The following ELAPOR1 variants were observed in gnomAD, a reference collection of about 807,000 sequenced individuals.
The protein encoded by ELAPOR1 is endosome/lysosome-associated apoptosis and autophagy regulator 1.
In ELAPOR1, 77 loss-of-function variants were observed where a neutral mutation model predicts 119.7. The observed-to-expected ratio is 0.64, with a 90% CI of 0.54 to 0.78. The LOEUF (loss-of-function observed/expected upper bound fraction) is 0.78, where lower values mean the gene tolerates loss of function less well. Among genes scored for constraint, ELAPOR1 ranks in the 30% least tolerant of loss-of-function variants. The pLI is 0.00. For synonymous variants in ELAPOR1, 481 were observed against 487.2 expected, an observed-to-expected ratio of 0.99 and a Z score of 0.17; for missense variants, 1,115 against 1,270.4, an observed-to-expected ratio of 0.88 and a Z score of 1.86.
At chr1:109,132,761 G>A (rs938372972) in intron 1 of ELAPOR1, among the ~76,000 whole-genome samples, 3 of 152,188 alleles carry the variant, frequency 2.0e-5, no homozygotes, top group Non-Finnish European at 4.4e-5. Context: ...GAGACAGAAG[G>A]AAGGAGACCA....
chr1:109,199,222 G>T (rs1317275284), intron 18 of ELAPOR1, among the ~76,000 whole-genome samples: 1 of 152,148 alleles, frequency 6.6e-6, no homozygotes, highest in Non-Finnish European at 1.5e-5. Context: ...ATTTCTAAAT[G>T]AATATGACCA....
intron 8 of ELAPOR1, chr1:109,187,652 T>TCTCTGGTG (rs1422312221): frequency 9.0e-6 from 9 of 999,932 alleles, no homozygotes; most frequent in Non-Finnish European, 1.1e-5. Context: ...CCATGTTTCA[T>TCTCTGGTG]TCATCTCTGA....
chr1:109,206,504 A>G lies in ELAPOR1; in HGVS notation c.*3492A>G, dbSNP rs1654503416. The G allele has an allele frequency of 6.6e-6, 1 of 152,222 alleles. No individual in the cohort carries two copies. Among genetic ancestry groups the G allele is most frequent in the Admixed American group, 6.5e-5 (1 of 15,276 alleles). The allele number at this position is 152,222 out of a possible 1,614,324, so 9.4% of individuals were successfully genotyped here. Reference sequence around the variant, plus strand: ...TGTATTTGGCTGGGAATACAAATGAAGATTGTGGTGTATTCAAGCAGTAGG... The same window carrying G: ...TGTATTTGGCTGGGAATACAAATGAGGATTGTGGTGTATTCAAGCAGTAGG... On this transcript the variant is annotated 3_prime_UTR_variant, in exon 22 of 22. Coordinates refer to ENST00000369939, the MANE Select transcript of ELAPOR1 (RefSeq NM_020775.5).
chr1:109,197,827 G>A (rs535162904), intron 16 of ELAPOR1, 152 bp from the exon 17 acceptor site: 2 of 966,478 alleles, frequency 2.1e-6, no homozygotes, highest in South Asian at 3.2e-5. Flanking sequence ...TGCTCCCAGG[G>A]ACTCTGACAA....
intron 1 of ELAPOR1, among the ~76,000 whole-genome samples, chr1:109,139,533 A>G (rs1324923174): frequency 2.0e-5 from 3 of 152,126 alleles, no homozygotes; most frequent in Admixed American, 2.0e-4. Flanking sequence ...TAGTCACAAC[A>G]TCAAAGTATA....
chr1:109,187,523 C>T (rs182631304), intron 8 of ELAPOR1: 12 of 1,001,006 alleles, frequency 1.2e-5, no homozygotes, highest in Middle Eastern at 8.0e-4. Context: ...TATAAGGGCA[C>T]GTTTTTGTCT....
rs542135988 is a variant in ELAPOR1 at position 109,136,725 on chromosome 1, G to A, written c.153+22389G>A. ...AATACCCTGAAAATAACGAACTCCT[G>A]TGTCTCTAGATATTTAAACCTCTCA... On this transcript the variant is annotated intron_variant, in intron 1 of 21. Transcript: ENST00000369939. 3.3e-5 allele frequency among the ~76,000 whole-genome samples: 5 copies of A among 152,304 alleles called. No homozygotes were observed. The South Asian group carries it at 1.0e-3, about 32-fold the overall frequency.
Position 109,188,113 on chromosome 1 carries a change from G to C in ELAPOR1, c.1042-64G>C. On this transcript the variant is annotated intron_variant, in intron 8 of 21. Coordinates refer to ENST00000369939, the MANE Select transcript of ELAPOR1 (RefSeq NM_020775.5). ...CTCTGCCCCCAGCCCCTATCCTCAAGGTAGAGTCCCAAAGATGTCCTAAAT... is the reference window on the plus strand; with the variant it reads ...CTCTGCCCCCAGCCCCTATCCTCAACGTAGAGTCCCAAAGATGTCCTAAAT... 7.8e-6 allele frequency: 12 copies of C among 1,539,614 alleles called. 1 individual carries two copies. The South Asian group carries it at 1.5e-4, about 19-fold the overall frequency.
At chr1:109,174,313 C>A (rs1192035432) in intron 7 of ELAPOR1, among the ~76,000 whole-genome samples, 2 of 142,500 alleles carry the variant, frequency 1.4e-5, no homozygotes, top group Non-Finnish European at 3.0e-5. Context: ...TTTGGGAGGT[C>A]AAACCGGGAA....
At chr1:109,151,624 C>T (rs1226351604) in intron 1 of ELAPOR1, among the ~76,000 whole-genome samples, 1 of 152,204 alleles carries the variant, frequency 6.6e-6, no homozygotes, top group Non-Finnish European at 1.5e-5. Flanking sequence ...TTCCATGTTC[C>T]TATGCTAAGT....
chr1:109,136,918 T>C (rs1649507441), intron 1 of ELAPOR1, among the ~76,000 whole-genome samples: 1 of 152,106 alleles, frequency 6.6e-6, no homozygotes, highest in South Asian at 2.1e-4. Context: ...AGTAACAACA[T>C]AGCAAGGCAG....
At chr1:109,195,475 C>T (rs2101126071) in intron 15 of ELAPOR1, among the ~76,000 whole-genome samples, 1 of 144,422 alleles carries the variant, frequency 6.9e-6, no homozygotes, top group Admixed American at 7.1e-5. Flanking sequence ...GCCTGGGCGA[C>T]AGAGTGAGAC....
At chr1:109,177,533 C>G (rs773150028) in intron 7 of ELAPOR1, among the ~76,000 whole-genome samples, 1 of 106,226 alleles carries the variant, frequency 9.4e-6, no homozygotes, top group Non-Finnish European at 1.9e-5. Context: ...ACTTCCCAGA[C>G]GGGGTGGCGG....
chr1:109,200,985 T>C, intron 21 of ELAPOR1, 85 bp downstream of exon 21: 1 of 1,350,894 alleles, frequency 7.4e-7, no homozygotes, highest in Non-Finnish European at 1.0e-6. Context: ...TCCTGTACCG[T>C]TCAGGGATGG....
At chr1:109,170,385 A>G (rs888144567) in intron 3 of ELAPOR1, among the ~76,000 whole-genome samples, 1 of 152,216 alleles carries the variant, frequency 6.6e-6, no homozygotes, top group African/African-American at 2.4e-5. Flanking sequence ...CTAAAAATAT[A>G]TAAAATATCA....
At chr1:109,157,167 A>G (rs1650931368) in intron 1 of ELAPOR1, among the ~76,000 whole-genome samples, 1 of 152,088 alleles carries the variant, frequency 6.6e-6, no homozygotes, top group Admixed American at 6.6e-5. Context: ...CAGACACAGT[A>G]TGTAAGTGTG....
rs59138643 is a variant in ELAPOR1, at chr1:109,190,137, C to CAT, written c.1439+456_1439+457insTA. Among the ~76,000 whole-genome samples the CAT allele has an allele frequency of 7.6e-3, 1,158 of 151,728 alleles. 7 individuals carry two copies. Among genetic ancestry groups the CAT allele is most frequent in the South Asian group, 0.035 (168 of 4,830 alleles). On this transcript the variant is annotated intron_variant, in intron 11 of 21. Transcript: ENST00000369939. ...GTTTCCCACTAAACAAACAAACAAA[C>CAT]ACGCACACACACACACACACCTCCT...
chr1:109,189,830 C>A, intron 11 of ELAPOR1, 148 bp downstream of exon 11: 1 of 662,060 alleles, frequency 1.5e-6, no homozygotes, highest in Non-Finnish European at 2.7e-6. Context: ...ACAGTTTGAC[C>A]GAGGTAACCC....
chr1:109,201,199 G>T, intron 21 of ELAPOR1: 1 of 488,808 alleles, frequency 2.0e-6, no homozygotes, highest in Non-Finnish European at 3.9e-6. Context: ...CATCTATGTT[G>T]TAAGAATCAT....
Sources: allele counts gnomAD v4.1 joint callset (sites outside exome capture counted in the v4.1 genomes callset), GRCh38; gene constraint gnomAD v4.1.1; transcripts MANE v1.5; gene names NCBI Gene and HGNC (gene_info 2026-07-23, HGNC 2026-07-21).